Variants in MYT1L observed in about 807,000 individuals in gnomAD.
MYT1L encodes the protein myelin transcription factor 1-like protein.
Under a neutral mutation model 126.7 loss-of-function variants are expected in MYT1L, and 12 were observed. The observed-to-expected ratio is 0.09, with a 90% CI of 0.06 to 0.15. MYT1L has a LOEUF of 0.15. Ranked by LOEUF, MYT1L falls within the 10% of genes least tolerant of loss-of-function variation. The pLI is 1.00. For missense variants in MYT1L, 979 were observed against 1,585.2 expected, an observed-to-expected ratio of 0.62 and a Z score of 6.49; for synonymous variants, 541 against 604.2, an observed-to-expected ratio of 0.90 and a Z score of 1.53.
At position 1,852,407 on chromosome 2, in the gene MYT1L, C is replaced by T. The variant is rs747061340; in HGVS notation, c.2712-704G>A. 1.3e-5 allele frequency among the ~76,000 whole-genome samples: 2 copies of T among 152,192 alleles called. No individual in the cohort carries two copies. Among genetic ancestry groups the T allele is most frequent in the African/African-American group, 4.8e-5 (2 of 41,456 alleles). ...TCTGAACAGTTCATGGGGACATACA[C>T]TCATCTGCTGAAGCCTACCGAGGCA... On this transcript the variant is annotated intron_variant, in intron 18 of 24. Transcript: ENST00000647738. The surrounding 1 kb of genome is among the most constrained non-coding windows in gnomAD (Gnocchi z 4.0).
chr2:2,019,146 G>C (rs1459235295), intron 4 of MYT1L, among the ~76,000 whole-genome samples: 2 of 152,158 alleles, frequency 1.3e-5, no homozygotes, highest in Non-Finnish European at 2.9e-5. Flanking sequence ...ATCTTGAATT[G>C]TAGCTCTCAT....
chr2:2,246,704 T>C (rs2094542644), intron 2 of MYT1L, among the ~76,000 whole-genome samples: 1 of 152,234 alleles, frequency 6.6e-6, no homozygotes, highest in African/African-American at 2.4e-5. Context: ...TGTGATTCTG[T>C]GTAAGATAAG....
intron 9 of MYT1L, among the ~76,000 whole-genome samples, chr2:1,932,142 C>T (rs1442514399): frequency 6.6e-6 from 1 of 152,142 alleles, no homozygotes; most frequent in Non-Finnish European, 1.5e-5. Flanking sequence ...TGGAAGATCC[C>T]CCACAGCTGA....
intron 4 of MYT1L, among the ~76,000 whole-genome samples, chr2:2,034,222 C>T (rs1394366946): frequency 6.6e-5 from 10 of 152,144 alleles, no homozygotes; most frequent in Non-Finnish European, 1.0e-4. Flanking sequence ...TATGTCCAGC[C>T]GACTCGGCAT....
intron 2 of MYT1L, among the ~76,000 whole-genome samples, chr2:2,210,550 T>G (rs1373189530): frequency 2.0e-5 from 3 of 152,166 alleles, no homozygotes; most frequent in African/African-American, 7.2e-5. Flanking sequence ...TATAAGGATT[T>G]GCTTCTGGAT....
At chr2:2,100,446 C>A (rs1041537167) in intron 3 of MYT1L, among the ~76,000 whole-genome samples, 2 of 151,998 alleles carry the variant, frequency 1.3e-5, no homozygotes, top group East Asian at 3.9e-4. Flanking sequence ...TGTCTGAGTT[C>A]CCAGAGGCCC....
At chr2:2,252,702 G>T (rs56157453) in intron 2 of MYT1L, among the ~76,000 whole-genome samples, 1 of 152,242 alleles carries the variant, frequency 6.6e-6, no homozygotes, top group Admixed American at 6.5e-5. Flanking sequence ...CACCACCAAA[G>T]ACCACATCTC....
intron 14 of MYT1L, among the ~76,000 whole-genome samples, chr2:1,897,353 G>C (rs1269859469): frequency 6.6e-6 from 1 of 152,222 alleles, no homozygotes. Flanking sequence ...AATTGAGGGT[G>C]CTCTGTTCCC....
intron 18 of MYT1L, among the ~76,000 whole-genome samples, chr2:1,863,946 T>C (rs1572979643): frequency 6.6e-6 from 1 of 152,300 alleles, no homozygotes; most frequent in East Asian, 1.9e-4. Flanking sequence ...CCTTGGGTGG[T>C]GGAGCTCACC....
intron 1 of MYT1L, among the ~76,000 whole-genome samples, chr2:2,313,090 A>G (rs1285264503): frequency 6.6e-6 from 1 of 152,236 alleles, no homozygotes; most frequent in Non-Finnish European, 1.5e-5. Context: ...TGTTCTTTTC[A>G]GAATATATAT....
rs963071459 is a variant in MYT1L, at chr2:2,250,206, T to C, written c.-421+34198A>G. On this transcript the variant is annotated intron_variant, in intron 2 of 24. Coordinates refer to ENST00000647738, the MANE Select transcript of MYT1L (RefSeq NM_001303052.2). ...AAAGGAAATCAGGTAATTGAAGAGA[T>C]CTCTGCACTCCCATGTTTGCTGAAG... Among the ~76,000 whole-genome samples, 16 of 152,164 alleles carry C rather than the reference T, an allele frequency of 1.1e-4. No homozygotes were observed. In the East Asian group the frequency reaches 3.1e-3, roughly 29 times the overall value.
At chr2:2,317,910 A>C (rs1264816949) in intron 1 of MYT1L, among the ~76,000 whole-genome samples, 1 of 152,200 alleles carries the variant, frequency 6.6e-6, no homozygotes, top group African/African-American at 2.4e-5. Flanking sequence ...AAGCCAAAAA[A>C]TTGGAGGCCA....
At chr2:2,103,586 G>C (rs762300225) in intron 3 of MYT1L, among the ~76,000 whole-genome samples, 9 of 152,184 alleles carry the variant, frequency 5.9e-5, no homozygotes, top group Non-Finnish European at 8.8e-5. Flanking sequence ...GGAACTCATA[G>C]GTAACCCAGC....
intron 3 of MYT1L, among the ~76,000 whole-genome samples, chr2:2,060,582 T>C (rs892557867): frequency 1.3e-5 from 2 of 152,132 alleles, no homozygotes; most frequent in Admixed American, 6.5e-5. Flanking sequence ...TGTTTGAAAG[T>C]TTTGCATTTG....
rs1237771260 is a variant in MYT1L, at chr2:1,895,035, G to A, written c.2033-2748C>T. ...TTCAGTATCTTATCAATTAGAAAAT[G>A]CTACCCCAGCATCTCTATACACCAA... On this transcript the variant is annotated intron_variant, in intron 14 of 24. Coordinates refer to ENST00000647738, the MANE Select transcript of MYT1L (RefSeq NM_001303052.2). 3.3e-5 allele frequency among the ~76,000 whole-genome samples: 5 copies of A among 152,148 alleles called. No individual in the cohort carries two copies. The East Asian group carries it at 9.6e-4, about 29-fold the overall frequency.
At chr2:1,909,873 G>A (rs2051668310) in intron 13 of MYT1L, among the ~76,000 whole-genome samples, 2 of 152,178 alleles carry the variant, frequency 1.3e-5, no homozygotes, top group Admixed American at 1.3e-4. Context: ...GTTGGTGTGA[G>A]GCCCTATCCT....
chr2:1,853,740 T>C (rs1364707599), intron 18 of MYT1L, among the ~76,000 whole-genome samples: 1 of 152,258 alleles, frequency 6.6e-6, no homozygotes, highest in Non-Finnish European at 1.5e-5. Flanking sequence ...TTATTTAAAA[T>C]TTATTCATTT....
At chr2:1,870,225 G>A (rs370437397) in intron 18 of MYT1L, among the ~76,000 whole-genome samples, 2 of 152,226 alleles carry the variant, frequency 1.3e-5, no homozygotes, top group South Asian at 4.1e-4. Context: ...GTGCACCCAA[G>A]CTGCATGGAT....
At chr2:2,058,776 C>T (rs956915246) in intron 3 of MYT1L, among the ~76,000 whole-genome samples, 6 of 152,234 alleles carry the variant, frequency 3.9e-5, no homozygotes, top group East Asian at 3.9e-4. Context: ...TTCATCATCC[C>T]CTGTGGGGAG....
Sources: gnomAD v4.1 joint callset for allele counts (sites outside exome capture counted in the v4.1 genomes callset) on GRCh38, gnomAD v4.1.1 for gene constraint, Gnocchi (gnomAD v3.1) non-coding constraint, MANE v1.5 for transcripts, NCBI Gene and HGNC (gene_info 2026-07-23, HGNC 2026-07-21) for gene names.